COX7A1: variants seen among roughly 807,000 people sequenced by gnomAD.
The protein encoded by COX7A1 is cytochrome c oxidase subunit 7A1, also known as cytochrome c oxidase subunit 7A1, mitochondrial.
A neutral mutation model predicts 13.2 loss-of-function variants in COX7A1; 21 were observed. That is an observed-to-expected ratio of 1.59 (90% CI 1.13 to 2.29). COX7A1 has a LOEUF of 2.29. COX7A1 is among the 30% of genes most tolerant of loss of function. The pLI, the probability that COX7A1 is intolerant of heterozygous loss-of-function variation, is 0.00. For missense variants in COX7A1, 107 were observed against 100.0 expected, an observed-to-expected ratio of 1.07 and a Z score of -0.30; for synonymous variants, 41 against 41.9, an observed-to-expected ratio of 0.98 and a Z score of 0.08.
intron 2 of COX7A1, 24 bp downstream of exon 2, chr19:36,151,645 T>TCCCCCCCCCCCCCCCCCCCCCC: frequency 4.3e-6 from 6 of 1,387,626 alleles, no homozygotes; most frequent in African/African-American, 3.7e-5. Flanking sequence ...GCGCGTCGGA[T>TCCCCCCCCCCCCCCCCCCCCCC]CCCCACCCCC....
intron 1 of COX7A1, chr19:36,152,022 C>T (rs1974781565): frequency 1.6e-6 from 1 of 611,504 alleles, no homozygotes; most frequent in African/African-American, 1.9e-5. Context: ...TCTGGGGGGC[C>T]TAAGTCCTGA....
intron 3 of COX7A1, 123 bp downstream of exon 3, chr19:36,151,339 C>T: frequency 9.8e-7 from 1 of 1,024,474 alleles, no homozygotes; most frequent in Non-Finnish European, 1.5e-6. Flanking sequence ...GCTCAGTACT[C>T]GACCCCCTTC....
At position 36,151,736 on chromosome 19, in the gene COX7A1, C is replaced by T; in HGVS notation, c.35G>A (p.Arg12His). ...QALRVSQALI[R>H]SFSSTARNRF... The stretch of plus-strand genomic sequence containing the variant: ...GTTCCGGGCGGTGGAGCTGAAGGAG[C>T]GGATCAGCGCCTGGGACACCTGCGG... Residue 12 changes from arginine (R) to histidine (H), a missense_variant, in exon 2 of 4, where the codon CGC becomes CAC. Arg to His is a conservative substitution (Grantham distance 29). Transcript: ENST00000292907. 3 of 1,559,884 alleles carry T rather than the reference C, an allele frequency of 1.9e-6. No individual in the cohort carries two copies. The highest frequency in any genetic ancestry group is 1.7e-6 in the Non-Finnish European group (2 of 1,150,558).
chr19:36,151,761 G>A lies in COX7A1; in HGVS notation c.16-6C>T, dbSNP rs1376711146. The stretch of plus-strand genomic sequence containing the variant: ...CGGATCAGCGCCTGGGACACCTGCG[G>A]GGTGGGAGGTGGGCGGGTATTGGAG... On this transcript the variant is annotated splice_polypyrimidine_tract_variant and splice_region_variant and intron_variant, in intron 1 of 3. Coordinates refer to ENST00000292907, the MANE Select transcript of COX7A1 (RefSeq NM_001864.4). 3 of 1,594,504 alleles carry A rather than the reference G, an allele frequency of 1.9e-6. No individual in the cohort carries two copies. The African/African-American group carries it at 4.0e-5, about 21-fold the overall frequency.
Position 36,151,443 on chromosome 19 carries a change from A to G in COX7A1, c.187+19T>C. 1.2e-6 allele frequency: 2 copies of G among 1,613,724 alleles called. No homozygotes were observed. The highest frequency in any genetic ancestry group is 1.7e-6 in the Non-Finnish European group (2 of 1,179,812). ...TCCAGCCCCGCCTCCCCCGCAGCCCAGACGGGCCCTGCGCTCACCGCCCAG... is the reference window on the plus strand; with the variant it reads ...TCCAGCCCCGCCTCCCCCGCAGCCCGGACGGGCCCTGCGCTCACCGCCCAG... On this transcript the variant is annotated intron_variant, in intron 3 of 3. Transcript: ENST00000292907.
chr19:36,151,211 G>A (rs947904357), intron 3 of COX7A1, among the ~76,000 whole-genome samples, 177 bp from the exon 4 acceptor site: 1 of 152,072 alleles, frequency 6.6e-6, no homozygotes, highest in South Asian at 2.1e-4. Flanking sequence ...GATCTAGACC[G>A]GGCTGGGAGC....
intron 1 of COX7A1, 68 bp downstream of exon 1, chr19:36,152,325 T>C: frequency 8.3e-7 from 1 of 1,201,158 alleles, no homozygotes; most frequent in African/African-American, 1.6e-5. Flanking sequence ...CGGGGGCACT[T>C]GGAGAGTCGC....
chr19:36,151,606 C>T, intron 2 of COX7A1, 60 bp from the exon 3 acceptor site: 1 of 1,611,592 alleles, frequency 6.2e-7, no homozygotes, highest in Non-Finnish European at 8.5e-7. Context: ...GCGCGCCCCG[C>T]CTGCCCCGGC....
At chr19:36,152,371 GC>G in intron 1 of COX7A1, 21 bp downstream of exon 1, 1 of 1,339,396 alleles carries the variant, frequency 7.5e-7, no homozygotes, top group South Asian at 2.3e-5. Context: ...GGGGGCTCCG[GC>G]CCAGCCCATG....
At chr19:36,152,188 C>T (rs1974784114) in intron 1 of COX7A1, among the ~76,000 whole-genome samples, 1 of 152,160 alleles carries the variant, frequency 6.6e-6, no homozygotes, top group Non-Finnish European at 1.5e-5. Flanking sequence ...AGTTCAAACC[C>T]GGGGCTTTGG....
At position 36,151,666 on chromosome 19, in the gene COX7A1, C is replaced by CCCCCCCCTGGA; in HGVS notation, c.102+2_102+3insTCCAGGGGGGG. ...CGGATCCCCACCCCCCCCGACCCCCCACCTGGAAGAGCTTCTGTTTCTCGC... is the reference window on the plus strand; with the variant it reads ...CGGATCCCCACCCCCCCCGACCCCCCCCCCCCCTGGAACCTGGAAGAGCTTCTGTTTCTCGC... On this transcript the variant is annotated splice_region_variant and intron_variant, in intron 2 of 3. Transcript: ENST00000292907. The CCCCCCCCTGGA allele has an allele frequency of 6.3e-7, 1 of 1,584,894 alleles. No homozygotes were observed. Among genetic ancestry groups the CCCCCCCCTGGA allele is most frequent in the Non-Finnish European group, 8.6e-7 (1 of 1,162,710 alleles).
In COX7A1 at chr19:36,150,959, C is replaced by T. The variant is rs764744970; in HGVS notation, c.*23G>A. 1.2e-6 allele frequency: 2 copies of T among 1,612,846 alleles called. No homozygotes were observed. The highest frequency in any genetic ancestry group is 1.7e-5 in the Admixed American group (1 of 60,012). ...TTTATTGACACTTGTTCAAGTCTCT[C>T]AGGCCCCCCAGGCTTCTTGGTCTTA... On this transcript the variant is annotated 3_prime_UTR_variant, in exon 4 of 4. Transcript: ENST00000292907.
intron 3 of COX7A1, 62 bp downstream of exon 3, chr19:36,151,400 G>T: frequency 1.3e-6 from 2 of 1,579,392 alleles, no homozygotes; most frequent in South Asian, 2.2e-5. Flanking sequence ...CCAGAAACCA[G>T]CCACCTCTTA....
At chr19:36,151,878 G>C in intron 1 of COX7A1, 123 bp from the exon 2 acceptor site, 1 of 886,222 alleles carries the variant, frequency 1.1e-6, no homozygotes, top group South Asian at 1.4e-5. Context: ...CAAAGGCGAG[G>C]AGGGTAATAG....
intron 1 of COX7A1, 46 bp from the exon 2 acceptor site, chr19:36,151,801 G>A: frequency 2.0e-6 from 3 of 1,491,732 alleles, no homozygotes; most frequent in Middle Eastern, 1.7e-4. Context: ...CTGGAGGGGT[G>A]TCCTGAAGTG....
intron 1 of COX7A1, 172 bp from the exon 2 acceptor site, chr19:36,151,927 G>T (rs1309126472): frequency 1.4e-6 from 1 of 740,602 alleles, no homozygotes; most frequent in Admixed American, 2.0e-5. Flanking sequence ...GCTGGGTTGG[G>T]AGGGGACTCG....
Position 36,151,773 on chromosome 19 carries a change from G to A in COX7A1, c.16-18C>T, listed in dbSNP as rs1393493170. Reference sequence around the variant, plus strand: ...TGGGACACCTGCGGGGTGGGAGGTGGGCGGGTATTGGAGGCACCTGGAGGG... The same window carrying A: ...TGGGACACCTGCGGGGTGGGAGGTGAGCGGGTATTGGAGGCACCTGGAGGG... On this transcript the variant is annotated intron_variant, in intron 1 of 3. Coordinates refer to ENST00000292907, the MANE Select transcript of COX7A1 (RefSeq NM_001864.4). The A allele has an allele frequency of 2.5e-6, 4 of 1,581,340 alleles. No individual in the cohort carries two copies. Among genetic ancestry groups the A allele is most frequent in the South Asian group, 2.3e-5 (2 of 86,932 alleles).
Position 36,150,981 on chromosome 19 carries a change from C to T in COX7A1, c.*1G>A. 6.2e-7 allele frequency: 1 copy of T among 1,614,040 alleles called. No individual in the cohort carries two copies. Among genetic ancestry groups the T allele is most frequent in the Non-Finnish European group, 8.5e-7 (1 of 1,179,950 alleles). ...TCTCAGGCCCCCCAGGCTTCTTGGT[C>T]TTAATTCCTGGGGAAGGAGGCCCAG... On this transcript the variant is annotated 3_prime_UTR_variant, in exon 4 of 4. Coordinates refer to ENST00000292907, the MANE Select transcript of COX7A1 (RefSeq NM_001864.4).
At chr19:36,151,311 C>T (rs1974763585) in intron 3 of COX7A1, 151 bp downstream of exon 3, 3 of 814,002 alleles carry the variant, frequency 3.7e-6, no homozygotes, top group Admixed American at 2.7e-5. Context: ...TACTCCCCTC[C>T]CTGCAGGCCT....
Sources: gnomAD v4.1 joint callset for allele counts (sites outside exome capture counted in the v4.1 genomes callset) on GRCh38, gnomAD v4.1.1 for gene constraint, MANE v1.5 for transcripts, NCBI Gene and HGNC (gene_info 2026-07-23, HGNC 2026-07-21) for gene names.